Variants in CDH6 observed in about 807,000 individuals in gnomAD.
The protein encoded by CDH6 is cadherin 6.
CDH6 carries 31 observed loss-of-function variants against 78.0 expected under a neutral mutation model. That is an observed-to-expected ratio of 0.40 (90% CI 0.30 to 0.54). The LOEUF (loss-of-function observed/expected upper bound fraction) is 0.54. CDH6 is among the 20% of genes least tolerant of loss of function. CDH6 has a pLI of 0.56. For synonymous variants in CDH6, 376 were observed against 368.8 expected (o/e 1.02, Z -0.23); for missense variants, 724 against 975.9 (o/e 0.74, Z 3.44).
intron 4 of CDH6, among the ~76,000 whole-genome samples, chr5:31,298,862 C>T (rs958389819): frequency 6.6e-6 from 1 of 152,030 alleles, no homozygotes; most frequent in Admixed American, 6.6e-5. Flanking sequence ...ACCTTAATTC[C>T]AAAATTCTCT....
intron 2 of CDH6, among the ~76,000 whole-genome samples, chr5:31,273,275 T>C (rs1435375756): frequency 2.0e-5 from 3 of 152,178 alleles, no homozygotes; most frequent in Non-Finnish European, 4.4e-5. Flanking sequence ...AGCTGAAGAA[T>C]AGAAACCTCC....
At chr5:31,302,825 A>C (rs968165539) in intron 6 of CDH6, among the ~76,000 whole-genome samples, 1 of 146,228 alleles carries the variant, frequency 6.8e-6, no homozygotes, top group African/African-American at 2.5e-5. Flanking sequence ...AGAAAGAAAG[A>C]AAGAAAGAAA....
intron 1 of CDH6, among the ~76,000 whole-genome samples, chr5:31,228,708 G>A (rs1305725979): frequency 1.3e-5 from 2 of 152,150 alleles, no homozygotes; most frequent in Admixed American, 6.5e-5. Context: ...CCTCACATGC[G>A]CAGTTCACAA....
chr5:31,323,047 A>C lies in CDH6; in HGVS notation c.2112A>C (p.Pro704=). The part of the protein sequence containing the change: ...PEALFLPRRT[P]TARDNTDVRD... Reference sequence around the variant, plus strand: ...CCCTTTTCCTACCCCGACGGACTCCAACAGCTCGCGACAACACCGATGTCA... The same window carrying C: ...CCCTTTTCCTACCCCGACGGACTCCCACAGCTCGCGACAACACCGATGTCA... Residue 704 remains proline, a synonymous_variant, in exon 12 of 12, where the codon CCA becomes CCC. Coordinates refer to ENST00000265071, the MANE Select transcript of CDH6 (RefSeq NM_004932.4). The C allele has an allele frequency of 6.2e-7, 1 of 1,614,158 alleles. No homozygotes were observed. The highest frequency in any genetic ancestry group is 8.5e-7 in the Non-Finnish European group (1 of 1,180,010).
chr5:31,195,084 T>TA (rs542544543), intron 1 of CDH6, among the ~76,000 whole-genome samples: 5,135 of 143,630 alleles, frequency 0.036, 98 homozygotes, highest in African/African-American at 0.059. Context: ...CTACTCCCAT[T>TA]AAAAAAAAAA....
chr5:31,270,241 A>T (rs900424053), intron 2 of CDH6, among the ~76,000 whole-genome samples: 1 of 152,196 alleles, frequency 6.6e-6, no homozygotes, highest in Admixed American at 6.6e-5. Context: ...CAGAGGTTCC[A>T]AAACTTTCTT....
In CDH6 at chr5:31,275,134, TA is replaced by T; in HGVS notation, c.228+7436del. 2.0e-5 allele frequency among the ~76,000 whole-genome samples: 3 copies of T among 152,328 alleles called. No individual in the cohort carries two copies. In the Middle Eastern group the frequency reaches 0.01, roughly 518 times the overall value. On this transcript the variant is annotated intron_variant, in intron 2 of 11. Coordinates refer to ENST00000265071, the MANE Select transcript of CDH6 (RefSeq NM_004932.4). ...TGGTCTGTAGTAGCAGATAAGAATATAAATAAGCTGAATGCCAACATCCTAG... is the reference window on the plus strand; with the variant it reads ...TGGTCTGTAGTAGCAGATAAGAATATAATAAGCTGAATGCCAACATCCTAG...
At chr5:31,216,949 T>C (rs1481935577) in intron 1 of CDH6, among the ~76,000 whole-genome samples, 1 of 152,100 alleles carries the variant, frequency 6.6e-6, no homozygotes, top group African/African-American at 2.4e-5. Context: ...TGAGAGACGG[T>C]AGAGAGGCTC....
intron 2 of CDH6, among the ~76,000 whole-genome samples, chr5:31,289,540 A>G (rs1228908558): frequency 6.6e-6 from 1 of 152,184 alleles, no homozygotes; most frequent in Non-Finnish European, 1.5e-5. Flanking sequence ...TAGTTCTCTG[A>G]GAAATCTCCA....
chr5:31,194,563 T>A (rs939571273), intron 1 of CDH6, among the ~76,000 whole-genome samples: 1 of 152,086 alleles, frequency 6.6e-6, no homozygotes, highest in African/African-American at 2.4e-5. Context: ...ATGCTTAGGT[T>A]GCAAGGAAAG....
chr5:31,266,586 T>A (rs1459187839), intron 1 of CDH6, among the ~76,000 whole-genome samples: 1 of 152,140 alleles, frequency 6.6e-6, no homozygotes, highest in Non-Finnish European at 1.5e-5. Context: ...TAAATACAAA[T>A]TCTATAGGTT....
rs13436244 is a variant in CDH6 at position 31,303,892 on chromosome 5, A to G, written c.1000-1282A>G. On this transcript the variant is annotated intron_variant, in intron 6 of 11. Coordinates refer to ENST00000265071, the MANE Select transcript of CDH6 (RefSeq NM_004932.4). ...CCCATTAGTGTGCATTAACCTTTTT[A>G]ATTTTCTTGGTGCCTTATCAGATTC... Among the ~76,000 whole-genome samples the G allele has an allele frequency of 2.6e-5, 4 of 152,318 alleles. No individual in the cohort carries two copies. The East Asian group carries it at 5.8e-4, about 22-fold the overall frequency.
At chr5:31,302,772 A>G (rs61430207) in intron 6 of CDH6, among the ~76,000 whole-genome samples, 2 of 37,494 alleles carry the variant, frequency 5.3e-5, no homozygotes, top group Admixed American at 4.0e-4. Flanking sequence ...AAAGAAAGAA[A>G]GAAGAAAGAG....
chr5:31,276,405 A>G (rs1742694369), intron 2 of CDH6, among the ~76,000 whole-genome samples: 7 of 152,202 alleles, frequency 4.6e-5, no homozygotes, highest in Admixed American at 4.6e-4. Context: ...GAGAATATAT[A>G]TGCTCAAAAA....
chr5:31,204,399 G>A (rs550197088), intron 1 of CDH6, among the ~76,000 whole-genome samples: 29 of 152,280 alleles, frequency 1.9e-4, no homozygotes, highest in Admixed American at 1.6e-3. Context: ...CGCTAGGGAG[G>A]ACGGGTACTT....
At chr5:31,315,069 C>G (rs1211396149) in intron 8 of CDH6, among the ~76,000 whole-genome samples, 1 of 152,118 alleles carries the variant, frequency 6.6e-6, no homozygotes, top group Non-Finnish European at 1.5e-5. Context: ...CCTGAAGAGC[C>G]AGAAATATTC....
intron 6 of CDH6, among the ~76,000 whole-genome samples, chr5:31,304,183 C>A (rs72749700): frequency 0.071 from 10,339 of 145,350 alleles, 403 homozygotes; most frequent in South Asian, 0.11. Flanking sequence ...ACAACAACAA[C>A]AAAAAAAAAA....
At chr5:31,224,172 G>C (rs1741079987) in intron 1 of CDH6, among the ~76,000 whole-genome samples, 1 of 152,206 alleles carries the variant, frequency 6.6e-6, no homozygotes, top group South Asian at 2.1e-4. Flanking sequence ...GCTGAAGCAA[G>C]GAAGAACAAG....
intron 1 of CDH6, among the ~76,000 whole-genome samples, chr5:31,246,093 G>C (rs531891464): frequency 2.0e-5 from 3 of 151,576 alleles, no homozygotes; most frequent in Non-Finnish European, 4.4e-5. Flanking sequence ...TGTATTTTTA[G>C]TAGAGACAGG....
Sources: allele counts gnomAD v4.1 joint callset (sites outside exome capture counted in the v4.1 genomes callset), GRCh38; gene constraint gnomAD v4.1.1; transcripts MANE v1.5; gene names NCBI Gene and HGNC (gene_info 2026-07-23, HGNC 2026-07-21).